ERAP2: variants seen among roughly 807,000 people sequenced by gnomAD.
The protein encoded by ERAP2 is leukocyte-derived arginine aminopeptidase.
ERAP2 carries 118 observed loss-of-function variants against 111.1 expected under a neutral mutation model. The observed-to-expected ratio is 1.06, with a 90% CI of 0.92 to 1.24. The LOEUF (loss-of-function observed/expected upper bound fraction) is 1.24. Ranked by LOEUF, ERAP2 falls within the 50% of genes most tolerant of loss-of-function variation. ERAP2 has a pLI of 0.00. For missense variants in ERAP2, 1,131 were observed against 1,125.8 expected, an observed-to-expected ratio of 1.00 and a Z score of -0.07; for synonymous variants, 410 against 401.2, an observed-to-expected ratio of 1.02 and a Z score of -0.26.
intron 5 of ERAP2, 148 bp from the exon 6 acceptor site, chr5:96,892,151 A>G: frequency 2.8e-6 from 2 of 724,486 alleles, no homozygotes; most frequent in Non-Finnish European, 4.5e-6. Context: ...CAACTATAAG[A>G]CACCCTGTCA....
At chr5:96,884,245 T>A (rs1783498209) in intron 3 of ERAP2, among the ~76,000 whole-genome samples, 1 of 152,202 alleles carries the variant, frequency 6.6e-6, no homozygotes, top group South Asian at 2.1e-4. Context: ...CAGAATTTCC[T>A]AGAGCAGTAC....
At position 96,883,931 on chromosome 5, in the gene ERAP2, G is replaced by T. The variant is rs376759795; in HGVS notation, c.714+1G>T. On this transcript the variant is annotated splice_donor_variant, in intron 3 of 18. Transcript: ENST00000437043. LOFTEE classifies it high-confidence loss of function. ...TATTGCACTATCCAACATGCCAAAG[G>T]TATGTCCACTTCCAGAAACTTTTAG... 10 of 1,579,064 alleles carry T rather than the reference G, an allele frequency of 6.3e-6. No homozygotes were observed. The highest frequency in any genetic ancestry group is 1.7e-4 in the Middle Eastern group (1 of 5,936).
At chr5:96,898,419 C>A (rs1785085073) in intron 9 of ERAP2, among the ~76,000 whole-genome samples, 1 of 151,804 alleles carries the variant, frequency 6.6e-6, no homozygotes, top group African/African-American at 2.4e-5. Flanking sequence ...AATCCTGAGA[C>A]ATATTCAAAT....
chr5:96,906,130 G>T (rs1786050329), intron 13 of ERAP2, among the ~76,000 whole-genome samples: 2 of 151,898 alleles, frequency 1.3e-5, no homozygotes, highest in South Asian at 2.1e-4. Flanking sequence ...ACAAGACATT[G>T]TCATCCAAGG....
chr5:96,902,411 C>A, intron 12 of ERAP2, 58 bp downstream of exon 12: 2 of 1,070,682 alleles, frequency 1.9e-6, no homozygotes, highest in Non-Finnish European at 2.9e-6. Flanking sequence ...ATGTGTTGAG[C>A]TATTTGAAGG....
rs763020177 is a variant in ERAP2, at chr5:96,901,507, T to C, written c.1574T>C (p.Leu525Pro). 7.4e-6 allele frequency: 12 copies of C among 1,613,090 alleles called. No homozygotes were observed. Among genetic ancestry groups the C allele is most frequent in the Non-Finnish European group, 1.0e-5 (12 of 1,179,304 alleles). Residue 525 changes from leucine to proline, a missense_variant and splice_region_variant, in exon 11 of 19, where the codon CTC becomes CCC. Coordinates refer to ENST00000437043, the MANE Select transcript of ERAP2 (RefSeq NM_022350.5). The stretch of plus-strand genomic sequence containing the variant: ...TATCATAGTCACCTGTCATTTCAGC[T>C]CGCCTTTCTGGGGGAAAATGCAGAG... The part of the protein sequence containing the change: ...HSDPKMTSNM[L>P]AFLGENAEVK...
chr5:96,904,161 T>A (rs1785788769), intron 13 of ERAP2, among the ~76,000 whole-genome samples: 1 of 152,196 alleles, frequency 6.6e-6, no homozygotes, highest in African/African-American at 2.4e-5. Context: ...AATGAAGTAA[T>A]AAATGGCTGT....
chr5:96,905,052 A>G (rs1490152695), intron 13 of ERAP2, among the ~76,000 whole-genome samples: 1 of 152,168 alleles, frequency 6.6e-6, no homozygotes, highest in Non-Finnish European at 1.5e-5. Flanking sequence ...TCCGATATAC[A>G]AGGTTTGGAG....
Position 96,901,619 on chromosome 5 carries a change from A to T in ERAP2, c.1686A>T (p.Gln562His). Residue 562 changes from glutamine to histidine, a missense_variant, in exon 11 of 19, where the codon CAA (glutamine) becomes CAT (histidine). Gln to His is a conservative substitution (Grantham distance 24). Coordinates refer to ENST00000437043, the MANE Select transcript of ERAP2 (RefSeq NM_022350.5). Reference sequence around the variant, plus strand: ...AAGACGGGTGTTCACTCCGACTGCAACAGGAGCGCTTCCTCCAGGGGGTTT... The same window carrying T: ...AAGACGGGTGTTCACTCCGACTGCATCAGGAGCGCTTCCTCCAGGGGGTTT... Reference protein sequence around the residue: ...VKQDGCSLRLQQERFLQGVFQ... With the variant: ...VKQDGCSLRLHQERFLQGVFQ... 6.2e-7 allele frequency: 1 copy of T among 1,614,086 alleles called. No homozygotes were observed. Among genetic ancestry groups the T allele is most frequent in the Non-Finnish European group, 8.5e-7 (1 of 1,179,976 alleles).
intron 2 of ERAP2, chr5:96,881,416 G>T (rs1465609037): frequency 2.2e-6 from 1 of 456,126 alleles, no homozygotes; most frequent in Admixed American, 2.3e-5. Flanking sequence ...GAGGGAAATA[G>T]AAGAATCAAG....
intron 15 of ERAP2, among the ~76,000 whole-genome samples, chr5:96,910,483 A>T (rs187671156): frequency 2.0e-5 from 3 of 152,108 alleles, no homozygotes; most frequent in Admixed American, 1.3e-4. Flanking sequence ...AAAACCTTTT[A>T]AATCTATTAT....
chr5:96,894,054 C>A (rs995809691), intron 6 of ERAP2, among the ~76,000 whole-genome samples: 1 of 152,190 alleles, frequency 6.6e-6, no homozygotes, highest in African/African-American at 2.4e-5. Flanking sequence ...TTGATCTTAG[C>A]ACCTGCTTTA....
At chr5:96,879,479 C>G in intron 1 of ERAP2, 85 bp from the exon 2 acceptor site, 1 of 506,776 alleles carries the variant, frequency 2.0e-6, no homozygotes, top group Non-Finnish European at 3.5e-6. Context: ...TTCCCTTACT[C>G]ACACATACCT....
chr5:96,919,196 T>A lies in ERAP2; in HGVS notation c.*1591T>A, dbSNP rs2112467813. 1 of 152,398 alleles carries A rather than the reference T, an allele frequency of 6.6e-6. No homozygotes were observed. The highest frequency in any genetic ancestry group is 6.5e-5 in the Admixed American group (1 of 15,304). The allele number at this position is 152,398 out of a possible 1,614,324, so 9.4% of individuals were successfully genotyped here. A position where few individuals can be genotyped will look rare whatever the true frequency, so the allele number is the denominator to read the frequency against. On this transcript the variant is annotated 3_prime_UTR_variant, in exon 19 of 19. Transcript: ENST00000437043. ...CATGAAGGTCAATTATAATTCCATATACCTTTCTTTGATGCCACAGTCAGA... is the reference window on the plus strand; with the variant it reads ...CATGAAGGTCAATTATAATTCCATAAACCTTTCTTTGATGCCACAGTCAGA...
intron 3 of ERAP2, among the ~76,000 whole-genome samples, chr5:96,884,595 T>C (rs1454406409): frequency 1.3e-5 from 2 of 152,200 alleles, no homozygotes; most frequent in African/African-American, 4.8e-5. Flanking sequence ...TCTCTCTCTG[T>C]TGCCCAGGTT....
chr5:96,912,059 G>A (rs944774462), intron 15 of ERAP2, among the ~76,000 whole-genome samples: 7 of 149,588 alleles, frequency 4.7e-5, no homozygotes, highest in Non-Finnish European at 8.9e-5. Context: ...GCGCGGTGGC[G>A]GGCGCCTGTA....
chr5:96,877,270 C>T (rs1293230675), intron 1 of ERAP2, among the ~76,000 whole-genome samples: 1 of 152,026 alleles, frequency 6.6e-6, no homozygotes, highest in African/African-American at 2.4e-5. Context: ...TCACTGTGCC[C>T]GGTCCTGTTT....
chr5:96,915,738 C>T lies in ERAP2; in HGVS notation c.2708C>T (p.Ala903Val), dbSNP rs1230686433. 1 of 1,599,384 alleles carries T rather than the reference C, an allele frequency of 6.3e-7. No homozygotes were observed. Among genetic ancestry groups the T allele is most frequent in the Admixed American group, 1.7e-5 (1 of 57,886 alleles). Residue 903 changes from alanine (A) to valine (V), a missense_variant, in exon 18 of 19, where the codon GCT becomes GTT. By Grantham distance (64) the Ala-to-Val change is moderately conservative (BLOSUM62 0). Coordinates refer to ENST00000437043, the MANE Select transcript of ERAP2 (RefSeq NM_022350.5). ...AGGATGATCATCTCTGGCACAACAGCTCACTTTTCTTCCAAGGATAAGTTG... is the reference window on the plus strand; with the variant it reads ...AGGATGATCATCTCTGGCACAACAGTTCACTTTTCTTCCAAGGATAAGTTG... ...DIRMIISGTT[A>V]HFSSKDKLQE...
At chr5:96,904,644 G>A (rs1785842427) in intron 13 of ERAP2, among the ~76,000 whole-genome samples, 2 of 152,176 alleles carry the variant, frequency 1.3e-5, no homozygotes, top group South Asian at 4.1e-4. Flanking sequence ...AGTTGAAGGA[G>A]GTTTGCCTGC....
Sources: gnomAD v4.1 joint callset for allele counts (sites outside exome capture counted in the v4.1 genomes callset) on GRCh38, gnomAD v4.1.1 for gene constraint, MANE v1.5 for transcripts, NCBI Gene and HGNC (gene_info 2026-07-23, HGNC 2026-07-21) for gene names.